FBXO47: variants seen among roughly 807,000 people sequenced by gnomAD.
FBXO47 encodes F-box protein 47.
FBXO47 carries 34 observed loss-of-function variants against 53.9 expected under a neutral mutation model. The observed-to-expected ratio is 0.63, with a 90% CI of 0.48 to 0.84. FBXO47 has a LOEUF of 0.84. Ranked by LOEUF, FBXO47 falls within the 40% of genes least tolerant of loss-of-function variation. The probability of loss-of-function intolerance (pLI) is 0.00; values close to 1 mark genes in which losing one functional copy is unlikely to be tolerated. For synonymous variants in FBXO47, 165 were observed against 181.6 expected (o/e 0.91, Z 0.73); for missense variants, 485 against 541.3 (o/e 0.90, Z 1.03).
At chr17:38,967,138 C>A (rs1168891295) in intron 1 of FBXO47, 91 bp downstream of exon 1, 1 of 152,158 alleles carries the variant, frequency 6.6e-6, no homozygotes, top group Non-Finnish European at 1.5e-5. Context: ...ACAGGAGAAT[C>A]AGACCACACG....
chr17:38,947,345 C>T (rs1904999097), intron 6 of FBXO47, among the ~76,000 whole-genome samples: 1 of 151,820 alleles, frequency 6.6e-6, no homozygotes, highest in African/African-American at 2.4e-5. Flanking sequence ...TGTTGATAGA[C>T]ATGGGGTCTT....
At chr17:38,966,225 G>T (rs768883774) in intron 1 of FBXO47, among the ~76,000 whole-genome samples, 5 of 152,038 alleles carry the variant, frequency 3.3e-5, no homozygotes, top group Admixed American at 6.6e-5. Flanking sequence ...TGTTTGCGAT[G>T]GAGTTTCGCA....
chr17:38,947,991 T>C (rs1366640760), intron 6 of FBXO47, among the ~76,000 whole-genome samples: 5 of 152,094 alleles, frequency 3.3e-5, no homozygotes, highest in African/African-American at 4.8e-5. Context: ...TCACATACCA[T>C]ACCATTTACC....
chr17:38,957,251 G>T lies in FBXO47; in HGVS notation c.355C>A (p.Leu119Ile). The T allele has an allele frequency of 6.2e-7, 1 of 1,605,348 alleles. No homozygotes were observed. The highest frequency in any genetic ancestry group is 8.5e-7 in the Non-Finnish European group (1 of 1,172,946). The change falls in exon 4 of 11, where the codon CTA (leucine) becomes ATA (isoleucine). Residue 119 changes from leucine to isoleucine, a missense_variant and splice_region_variant. Transcript: ENST00000378079. The stretch of plus-strand genomic sequence containing the variant: ...AGCAATGTGCATCTTTTAAACAGTA[G>T]ACCTAAGAAAGTAAAGAGACATAAG... ...AILEHYRSLG[L>I]LFKRCTLLLP... is the part of the protein sequence containing the mutation.
chr17:38,961,904 CAG>C lies in FBXO47; in HGVS notation c.323_324del (p.Ser108CysfsTer14), dbSNP rs751510105. 8 of 1,613,984 alleles carry C rather than the reference CAG, an allele frequency of 5.0e-6. No individual in the cohort carries two copies. Among genetic ancestry groups the C allele is most frequent in the African/African-American group, 1.3e-5 (1 of 75,034 alleles). On this transcript the variant is annotated frameshift_variant, in exon 3 of 11. Transcript: ENST00000378079. LOFTEE classifies it high-confidence loss of function. The stretch of plus-strand genomic sequence containing the variant: ...AGAGATCTGTAGTGCTCCAGTATAG[CAG>C]AGTCTTGTCTCCTGTCAGGCAGCTC... Reference protein sequence around the residue: ...NLELPDRRQDSAILEHYRSLG... With the variant: ...NLELPDRRQDXAILEHYRSLG...
chr17:38,961,547 A>T (rs1050030942), intron 3 of FBXO47, among the ~76,000 whole-genome samples: 1 of 152,248 alleles, frequency 6.6e-6, no homozygotes, highest in East Asian at 1.9e-4. Context: ...GGGAAAAGAG[A>T]TAAAGAGATA....
At chr17:38,954,809 T>G in intron 5 of FBXO47, 47 bp downstream of exon 5, 1 of 1,080,478 alleles carries the variant, frequency 9.3e-7, no homozygotes, top group Non-Finnish European at 1.4e-6. Flanking sequence ...CTATTTGTTA[T>G]CAGTTCCAAA....
intron 6 of FBXO47, among the ~76,000 whole-genome samples, chr17:38,945,652 AT>A (rs1473891861): frequency 1.3e-5 from 2 of 151,888 alleles, no homozygotes; most frequent in South Asian, 2.1e-4. Context: ...TACAAAAAAA[AT>A]TGGCCGGGTG....
At chr17:38,939,729 G>A (rs1158644007) in intron 9 of FBXO47, among the ~76,000 whole-genome samples, 2 of 139,652 alleles carry the variant, frequency 1.4e-5, no homozygotes, top group African/African-American at 2.7e-5. Flanking sequence ...CTGCAGTGGC[G>A]CAATCTCGGC....
chr17:38,938,213 A>G (rs550169782), intron 10 of FBXO47, among the ~76,000 whole-genome samples: 3 of 152,318 alleles, frequency 2.0e-5, no homozygotes, highest in African/African-American at 7.2e-5. Flanking sequence ...CTGTAAAATA[A>G]TATTTACAAA....
intron 4 of FBXO47, among the ~76,000 whole-genome samples, chr17:38,956,595 A>C (rs969544750): frequency 6.6e-6 from 1 of 151,504 alleles, no homozygotes; most frequent in African/African-American, 2.4e-5. Context: ...TCTCAACAAA[A>C]AAAAAAAAAA....
intron 6 of FBXO47, among the ~76,000 whole-genome samples, chr17:38,950,851 A>G (rs1318608529): frequency 6.6e-6 from 1 of 152,082 alleles, no homozygotes; most frequent in Admixed American, 6.6e-5. Flanking sequence ...TTCGATATTT[A>G]TCATTCCCTT....
chr17:38,951,448 C>T (rs1905277236), intron 6 of FBXO47, 133 bp downstream of exon 6: 1 of 601,466 alleles, frequency 1.7e-6, no homozygotes, highest in Admixed American at 3.2e-5. Context: ...CCCACCTTGG[C>T]TTCCCAAAGT....
intron 5 of FBXO47, among the ~76,000 whole-genome samples, chr17:38,952,050 G>A (rs1224962957): frequency 6.6e-6 from 1 of 151,760 alleles, no homozygotes; most frequent in Non-Finnish European, 1.5e-5. Flanking sequence ...AAACAGGCCG[G>A]GTGCGGTGGC....
Position 38,942,821 on chromosome 17 carries a change from C to A in FBXO47, c.1040G>T (p.Gly347Val). ...GAGCCTTGCCAGTTCAATGGTGCGT[C>A]CATTCACAGCTTTACTAGCCATGAA... Reference protein sequence around the residue: ...FSFMASKAVNGRTIELARLVV... With the variant: ...FSFMASKAVNVRTIELARLVV... Residue 347 changes from glycine to valine, a missense_variant, in exon 9 of 11, where the codon GGA (glycine) becomes GTA (valine). Physicochemically the swap from Gly to Val is moderately radical, Grantham distance 109. Coordinates refer to ENST00000378079, the MANE Select transcript of FBXO47 (RefSeq NM_001008777.3). The A allele has an allele frequency of 1.2e-6, 2 of 1,613,718 alleles. No homozygotes were observed. Among genetic ancestry groups the A allele is most frequent in the Non-Finnish European group, 1.7e-6 (2 of 1,179,840 alleles).
intron 6 of FBXO47, among the ~76,000 whole-genome samples, 175 bp from the exon 7 acceptor site, chr17:38,945,311 T>C (rs777859132): frequency 3.9e-5 from 6 of 152,192 alleles, no homozygotes; most frequent in Non-Finnish European, 8.8e-5. Context: ...ATAATTTGTC[T>C]ATCTACTTAC....
rs192497257 is a variant in FBXO47 at position 38,966,546 on chromosome 17, C to G, written c.-27+683G>C. The stretch of plus-strand genomic sequence containing the variant: ...GCATTTTTATTACAATAGCATAAAT[C>G]CGGCCTTGGCTTCTTCCTGTTTCTC... On this transcript the variant is annotated intron_variant, in intron 1 of 10. Transcript: ENST00000378079. Among the ~76,000 whole-genome samples, 203 of 152,296 alleles carry G rather than the reference C, an allele frequency of 1.3e-3. 1 individual carries two copies. Among genetic ancestry groups the G allele is most frequent in the African/African-American group, 4.7e-3 (194 of 41,590 alleles).
intron 6 of FBXO47, among the ~76,000 whole-genome samples, chr17:38,949,444 CAA>C (rs374903648): frequency 7.3e-5 from 11 of 151,282 alleles, no homozygotes; most frequent in African/African-American, 2.2e-4. Context: ...CAAAACAAAA[CAA>C]AACAACAATA....
At position 38,955,038 on chromosome 17, in the gene FBXO47, T is replaced by G. The variant is rs933205407; in HGVS notation, c.430-105A>C. ...AATTTAATGGAAATAAGCAAGAATT[T>G]TTTCAGCACCTATTCTGATCAACAT... On this transcript the variant is annotated intron_variant, in intron 4 of 10. Coordinates refer to ENST00000378079, the MANE Select transcript of FBXO47 (RefSeq NM_001008777.3). 7.3e-6 allele frequency: 6 copies of G among 817,542 alleles called. No individual in the cohort carries two copies. In the South Asian group the frequency reaches 1.0e-4, roughly 14 times the overall value. The allele number at this position is 817,542 out of a possible 1,614,324, so 50.6% of individuals were successfully genotyped here. A position where few individuals can be genotyped will look rare whatever the true frequency, so the allele number is the denominator to read the frequency against.
Sources: allele counts gnomAD v4.1 joint callset (sites outside exome capture counted in the v4.1 genomes callset), GRCh38; gene constraint gnomAD v4.1.1; transcripts MANE v1.5; gene names NCBI Gene and HGNC (gene_info 2026-07-23, HGNC 2026-07-21).